CACNA2D1: variants seen among roughly 807,000 people sequenced by gnomAD.
The protein encoded by CACNA2D1 is voltage-dependent calcium channel subunit alpha-2/delta-1.
CACNA2D1 carries 53 observed loss-of-function variants against 171.5 expected under a neutral mutation model. The observed-to-expected ratio is 0.31, with a 90% CI of 0.25 to 0.39. The LOEUF is 0.39. CACNA2D1 is among the 10% of genes least tolerant of loss of function. The probability of loss-of-function intolerance (pLI) is 1.00; values close to 1 mark genes in which losing one functional copy is unlikely to be tolerated. For missense variants in CACNA2D1, 903 were observed against 1,299.8 expected, an observed-to-expected ratio of 0.69 and a Z score of 4.69; for synonymous variants, 442 against 443.1, an observed-to-expected ratio of 1.00 and a Z score of 0.03.
At chr7:82,098,328 G>A (rs1441867892) in intron 6 of CACNA2D1, among the ~76,000 whole-genome samples, 1 of 152,058 alleles carries the variant, frequency 6.6e-6, no homozygotes, top group East Asian at 1.9e-4. Flanking sequence ...TAAATGTACT[G>A]ATTATAAATT....
At chr7:82,114,421 G>A (rs1277699897) in intron 6 of CACNA2D1, among the ~76,000 whole-genome samples, 1 of 152,134 alleles carries the variant, frequency 6.6e-6, no homozygotes, top group Non-Finnish European at 1.5e-5. Flanking sequence ...CAGACAATCT[G>A]TCTTGACTAC....
At chr7:82,063,897 C>T (rs1807269724) in intron 9 of CACNA2D1, among the ~76,000 whole-genome samples, 1 of 150,844 alleles carries the variant, frequency 6.6e-6, no homozygotes, top group Non-Finnish European at 1.5e-5. Context: ...ATTGTCTCTT[C>T]ACCCAGGCTG....
rs533681216 is a variant in CACNA2D1 at position 82,082,553 on chromosome 7, C to T, written c.658+2216G>A. ...GTAAAAAACCAATTAGGAAAGGGTA[C>T]GTATATGTAAAATAGATGAAGGGTG... On this transcript the variant is annotated intron_variant, in intron 7 of 38. Transcript: ENST00000356860. 1.6e-4 allele frequency among the ~76,000 whole-genome samples: 24 copies of T among 151,148 alleles called. No individual in the cohort carries two copies. The South Asian group carries it at 4.4e-3, about 28-fold the overall frequency.
At chr7:82,210,661 C>T (rs1305384854) in intron 3 of CACNA2D1, among the ~76,000 whole-genome samples, 7 of 152,150 alleles carry the variant, frequency 4.6e-5, no homozygotes, top group Admixed American at 4.6e-4. Context: ...GTTAGTTCAG[C>T]ATAAGTATCA....
chr7:82,091,895 T>C (rs1811217879), intron 6 of CACNA2D1, among the ~76,000 whole-genome samples: 1 of 152,212 alleles, frequency 6.6e-6, no homozygotes. Flanking sequence ...TCTAAAAAAA[T>C]GAATATAGCT....
chr7:82,229,623 A>C (rs1300284872), intron 3 of CACNA2D1, among the ~76,000 whole-genome samples: 2 of 151,938 alleles, frequency 1.3e-5, no homozygotes, highest in African/African-American at 4.8e-5. Context: ...CAACAATCCC[A>C]ATCAGAGCAC....
chr7:82,284,433 A>T (rs568789223), intron 3 of CACNA2D1, among the ~76,000 whole-genome samples: 13 of 152,282 alleles, frequency 8.5e-5, no homozygotes, highest in African/African-American at 3.1e-4. Context: ...GAGGGTTAAT[A>T]CAGTTGTCTT....
intron 6 of CACNA2D1, among the ~76,000 whole-genome samples, chr7:82,111,288 C>G: frequency 1.2e-5 from 1 of 83,538 alleles, no homozygotes; most frequent in Admixed American, 1.2e-4. Context: ...ATATATATGT[C>G]TGGGTATATA....
intron 1 of CACNA2D1, among the ~76,000 whole-genome samples, chr7:82,358,710 G>A (rs1159951927): frequency 3.3e-5 from 5 of 151,640 alleles, no homozygotes; most frequent in African/African-American, 4.9e-5. Flanking sequence ...GCGTGCATCT[G>A]TGTGAGTGTG....
rs192569792 is a variant in CACNA2D1, at chr7:82,218,488, A to C, written c.295-47879T>G. On this transcript the variant is annotated intron_variant, in intron 3 of 38. Coordinates refer to ENST00000356860, the MANE Select transcript of CACNA2D1 (RefSeq NM_000722.4). ...CAGACTTTATTCCAGATTGTTTTCT[A>C]TTTGATAATATGTCCTGGTAAAAAT... 3.1e-4 allele frequency among the ~76,000 whole-genome samples: 47 copies of C among 152,312 alleles called. 2 individuals carry two copies. The East Asian group carries it at 8.1e-3, about 26-fold the overall frequency.
At chr7:82,412,469 G>C (rs1482230221) in intron 1 of CACNA2D1, among the ~76,000 whole-genome samples, 1 of 151,842 alleles carries the variant, frequency 6.6e-6, no homozygotes, top group Admixed American at 6.6e-5. Flanking sequence ...GTTTAGTAGA[G>C]ATGCGGTTTC....
chr7:82,024,324 T>C (rs953328449), intron 12 of CACNA2D1, among the ~76,000 whole-genome samples: 11 of 151,726 alleles, frequency 7.2e-5, no homozygotes, highest in African/African-American at 2.7e-4. Context: ...TGTCTTTTGT[T>C]TCTTTGATGA....
At chr7:81,965,729 C>A in intron 31 of CACNA2D1, 64 bp from the exon 32 acceptor site, 1 of 919,056 alleles carries the variant, frequency 1.1e-6, no homozygotes, top group Non-Finnish European at 1.8e-6. Context: ...ATTGTCTTTA[C>A]CCCATTATAT....
chr7:82,235,154 A>T (rs573444533), intron 3 of CACNA2D1, among the ~76,000 whole-genome samples: 35 of 149,784 alleles, frequency 2.3e-4, no homozygotes, highest in African/African-American at 7.7e-4. Flanking sequence ...TTTTTTTTTA[A>T]AATTAAAATT....
chr7:81,965,741 C>A, intron 31 of CACNA2D1, 76 bp from the exon 32 acceptor site: 1 of 842,082 alleles, frequency 1.2e-6, no homozygotes, highest in Non-Finnish European at 2.1e-6. Flanking sequence ...CCATTATATA[C>A]ATGATTAGAG....
chr7:82,119,267 T>C lies in CACNA2D1; in HGVS notation c.397-2094A>G, dbSNP rs193258123. ...CATATACAAATGTGTACAGAGAAAA[T>C]GAGCAAGTGGATTCTGAAATATATT... is the stretch of plus-strand genomic sequence containing the variant. On this transcript the variant is annotated intron_variant, in intron 5 of 38. Coordinates refer to ENST00000356860, the MANE Select transcript of CACNA2D1 (RefSeq NM_000722.4). Among the ~76,000 whole-genome samples the C allele has an allele frequency of 1.6e-3, 251 of 152,208 alleles. 3 individuals are homozygous for C. The highest frequency in any genetic ancestry group is 0.015 in the East Asian group (77 of 5,176).
chr7:82,430,417 C>CAA (rs3054724), intron 1 of CACNA2D1, among the ~76,000 whole-genome samples: 28,843 of 129,254 alleles, frequency 0.22, 4,216 homozygotes, highest in African/African-American at 0.4. Flanking sequence ...GACTCCATCT[C>CAA]AAAAAAAAAA....
rs183807710 is a variant in CACNA2D1 at position 82,292,613 on chromosome 7, T to G, written c.294+42522A>C. Among the ~76,000 whole-genome samples the G allele has an allele frequency of 1.2e-4, 18 of 152,268 alleles. No individual in the cohort carries two copies. In the East Asian group the frequency reaches 3.5e-3, roughly 29 times the overall value. On this transcript the variant is annotated intron_variant, in intron 3 of 38. Transcript: ENST00000356860. ...ATTTCACATTGTCTTTAGCTTCCAG[T>G]GTTATTAAAAAGTCTACTGCCTTTT...
At chr7:82,193,673 G>A (rs1267227544) in intron 3 of CACNA2D1, among the ~76,000 whole-genome samples, 1 of 151,878 alleles carries the variant, frequency 6.6e-6, no homozygotes, top group Non-Finnish European at 1.5e-5. Context: ...ACAATGTTTC[G>A]CAGGTTTGCT....
Sources: allele counts gnomAD v4.1 joint callset (sites outside exome capture counted in the v4.1 genomes callset), GRCh38; gene constraint gnomAD v4.1.1; transcripts MANE v1.5; gene names NCBI Gene and HGNC (gene_info 2026-07-23, HGNC 2026-07-21).